MTUS1: variants seen among roughly 807,000 people sequenced by gnomAD.
MTUS1 encodes microtubule-associated tumor suppressor 1.
In MTUS1, 109 loss-of-function variants were observed where a neutral mutation model predicts 120.8. That is an observed-to-expected ratio of 0.90 (90% CI 0.77 to 1.06). The LOEUF (loss-of-function observed/expected upper bound fraction) is 1.06. Among genes scored for constraint, MTUS1 ranks in the 50% least tolerant of loss-of-function variants. The pLI, the probability that MTUS1 is intolerant of heterozygous loss-of-function variation, is 0.00. For missense variants in MTUS1, 2,210 were observed against 1,486.3 expected, an observed-to-expected ratio of 1.49 and a Z score of -8.01; for synonymous variants, 737 against 550.5, an observed-to-expected ratio of 1.34 and a Z score of -4.74.
chr8:17,732,775 T>C (rs543823769), intron 3 of MTUS1, among the ~76,000 whole-genome samples: 2 of 152,262 alleles, frequency 1.3e-5, no homozygotes, highest in African/African-American at 4.8e-5. Flanking sequence ...GTCATGTTCA[T>C]CCGTGACTCC....
chr8:17,679,136 T>G (rs35034557), intron 7 of MTUS1, among the ~76,000 whole-genome samples: 86,298 of 151,556 alleles, frequency 0.57, 25,411 homozygotes, highest in Middle Eastern at 0.7. Context: ...CTTAACCATT[T>G]TCACCCATAA....
intron 8 of MTUS1, among the ~76,000 whole-genome samples, chr8:17,665,648 A>T (rs561299341): frequency 6.6e-6 from 1 of 152,276 alleles, no homozygotes; most frequent in South Asian, 2.1e-4. Flanking sequence ...GGCTTGAGCC[A>T]CTATGCCCGG....
At position 17,675,190 on chromosome 8, in the gene MTUS1, C is replaced by T. The variant is rs747716964; in HGVS notation, c.2901G>A (p.Glu967=). ...ACAACAACAAAAAGCTCTTACCTAG[C>T]TCTCCCCGGAGGTTAACAAGTTCTT... The part of the protein sequence containing the change: ...LSQELVNLRG[E]LVTASTTCEK... Residue 967 remains glutamate (E), a synonymous_variant, in exon 8 of 15, where the codon GAG becomes GAA. Transcript: ENST00000693296. 1.1e-5 allele frequency: 17 copies of T among 1,613,996 alleles called. No individual in the cohort carries two copies. The East Asian group carries it at 3.8e-4, about 36-fold the overall frequency.
chr8:17,712,643 T>C (rs1030323799), intron 6 of MTUS1, among the ~76,000 whole-genome samples: 4 of 152,162 alleles, frequency 2.6e-5, no homozygotes, highest in Non-Finnish European at 4.4e-5. Flanking sequence ...CCAGCCTATC[T>C]GTCGGTCTGT....
Position 17,741,544 on chromosome 8 carries a change from G to A in MTUS1, c.2287+2060C>T, listed in dbSNP as rs556468022. Reference sequence around the variant, plus strand: ...CAGGATGATAAAAGCTCAAAAGCATGCCCTGTCTTTTCACTAAGACTAAAC... The same window carrying A: ...CAGGATGATAAAAGCTCAAAAGCATACCCTGTCTTTTCACTAAGACTAAAC... On this transcript the variant is annotated intron_variant, in intron 3 of 14. Transcript: ENST00000693296. Among the ~76,000 whole-genome samples, 213 of 152,326 alleles carry A rather than the reference G, an allele frequency of 1.4e-3. 3 individuals are homozygous for A. Among genetic ancestry groups the A allele is most frequent in the South Asian group, 4.4e-3 (21 of 4,826 alleles).
chr8:17,758,262 A>G (rs1004409467), intron 1 of MTUS1: 3 of 152,220 alleles, frequency 2.0e-5, no homozygotes, highest in African/African-American at 7.2e-5. Flanking sequence ...TTTCTTCGCT[A>G]ACAGTGCTCT....
At position 17,709,843 on chromosome 8, in the gene MTUS1, T is replaced by C. The variant is rs542095189; in HGVS notation, c.2623+3371A>G. ...TAACACGGTGAAACCCCGTCTCTAC[T>C]AAAAATACAAAAAATTAGCCGGGCA... is the stretch of plus-strand genomic sequence containing the variant. On this transcript the variant is annotated intron_variant, in intron 6 of 14. Coordinates refer to ENST00000693296, the MANE Select transcript of MTUS1 (RefSeq NM_001363059.2). Among the ~76,000 whole-genome samples the C allele has an allele frequency of 3.4e-3, 520 of 151,906 alleles. 3 individuals are homozygous for C. Among genetic ancestry groups the C allele is most frequent in the Non-Finnish European group, 5.7e-3 (385 of 67,932 alleles).
intron 6 of MTUS1, among the ~76,000 whole-genome samples, chr8:17,693,674 C>G (rs1280843073): frequency 1.3e-5 from 2 of 152,168 alleles, no homozygotes; most frequent in Non-Finnish European, 1.5e-5. Flanking sequence ...ACTTAAAAGG[C>G]ACTTCTACTG....
chr8:17,786,182 G>C (rs2051289783), intron 1 of MTUS1, among the ~76,000 whole-genome samples: 1 of 152,082 alleles, frequency 6.6e-6, no homozygotes, highest in Admixed American at 6.6e-5. Context: ...ACACGTCAAG[G>C]AAGGTCAGTG....
intron 2 of MTUS1, among the ~76,000 whole-genome samples, chr8:17,746,601 G>A (rs968138229): frequency 2.6e-5 from 4 of 152,054 alleles, no homozygotes; most frequent in African/African-American, 9.7e-5. Flanking sequence ...CAGTATGGGG[G>A]AAACCACCCC....
At chr8:17,716,277 GCA>G (rs763212342) in intron 4 of MTUS1, among the ~76,000 whole-genome samples, 20 of 152,136 alleles carry the variant, frequency 1.3e-4, no homozygotes, top group Non-Finnish European at 2.2e-4. Context: ...GGAAGAATTC[GCA>G]CAGTCAGCTA....
intron 7 of MTUS1, among the ~76,000 whole-genome samples, chr8:17,683,592 A>G (rs1010519724): frequency 2.6e-5 from 4 of 152,118 alleles, no homozygotes; most frequent in Admixed American, 6.5e-5. Context: ...GTACTGAGCC[A>G]GTCTTTTTTT....
At chr8:17,658,003 C>T (rs922669982) in intron 8 of MTUS1, among the ~76,000 whole-genome samples, 1 of 136,088 alleles carries the variant, frequency 7.3e-6, no homozygotes, top group Non-Finnish European at 1.6e-5. Context: ...CATATATACA[C>T]ATATATACAC....
chr8:17,646,082 G>C lies in MTUS1; in HGVS notation c.3657C>G (p.Val1219=), dbSNP rs1018192984. The C allele has an allele frequency of 1.9e-6, 3 of 1,607,692 alleles. No individual in the cohort carries two copies. The highest frequency in any genetic ancestry group is 8.5e-7 in the Non-Finnish European group (1 of 1,176,004). Residue 1219 remains valine, a synonymous_variant, in exon 15 of 15, where the codon GTC becomes GTG. Coordinates refer to ENST00000693296, the MANE Select transcript of MTUS1 (RefSeq NM_001363059.2). The part of the protein sequence containing the change: ...LQESLEKESK[V]NKRLSMENEE... ...CGTTTTCCATAGAGAGTCGCTTGTT[G>C]ACTTTCGACTCCTTCTCCAGCGACT...
At chr8:17,739,279 A>G (rs2047144549) in intron 3 of MTUS1, among the ~76,000 whole-genome samples, 1 of 152,108 alleles carries the variant, frequency 6.6e-6, no homozygotes, top group African/African-American at 2.4e-5. Context: ...GGATCACCTG[A>G]GGTCGGGAGT....
rs1165288999 is a variant in MTUS1 at position 17,760,051 on chromosome 8, C to CTTT, written c.-154-4093_-154-4091dup. ...TAGCAGGACCCTACCTCTACGATTT[C>CTTT]TTTTCTTTTTTTTTTTTTTTTTAGC... On this transcript the variant is annotated intron_variant, in intron 1 of 14. Coordinates refer to ENST00000693296, the MANE Select transcript of MTUS1 (RefSeq NM_001363059.2). Among the ~76,000 whole-genome samples, 3 of 130,208 alleles carry CTTT rather than the reference C, an allele frequency of 2.3e-5. 1 individual carries two copies. The highest frequency in any genetic ancestry group is 3.3e-5 in the Non-Finnish European group (2 of 61,066). The allele number at this position is 130,208 out of a possible 152,430, so 85.4% of individuals were successfully genotyped here. A position where few individuals can be genotyped will look rare whatever the true frequency, so the allele number is the denominator to read the frequency against.
chr8:17,752,693 G>C (rs143530804), intron 2 of MTUS1, among the ~76,000 whole-genome samples: 80 of 152,254 alleles, frequency 5.3e-4, no homozygotes, highest in African/African-American at 1.9e-3. Flanking sequence ...GCTATTCTAT[G>C]TGCTTCATTC....
At chr8:17,780,012 C>A (rs753388974) in intron 1 of MTUS1, among the ~76,000 whole-genome samples, 3 of 152,096 alleles carry the variant, frequency 2.0e-5, no homozygotes, top group East Asian at 1.9e-4. Context: ...GAAATGTGAT[C>A]CCCAGTGGTT....
intron 2 of MTUS1, among the ~76,000 whole-genome samples, chr8:17,746,040 T>A (rs1298823622): frequency 6.6e-6 from 1 of 152,236 alleles, no homozygotes; most frequent in East Asian, 1.9e-4. Flanking sequence ...CATTGCAGCC[T>A]TGCTTCCTGT....
Sources: gnomAD v4.1 joint callset for allele counts (sites outside exome capture counted in the v4.1 genomes callset) on GRCh38, gnomAD v4.1.1 for gene constraint, MANE v1.5 for transcripts, NCBI Gene and HGNC (gene_info 2026-07-23, HGNC 2026-07-21) for gene names.